DNM2: variants seen among roughly 807,000 people sequenced by gnomAD.
The protein encoded by DNM2 is dynamin-2.
Under a neutral mutation model 99.0 loss-of-function variants are expected in DNM2, and 15 were observed. That is an observed-to-expected ratio of 0.15 (90% CI 0.10 to 0.23). The LOEUF (loss-of-function observed/expected upper bound fraction) is 0.23, where lower values mean the gene tolerates loss of function less well. Ranked by LOEUF, DNM2 falls within the 10% of genes least tolerant of loss-of-function variation. The pLI is 1.00. For missense variants in DNM2, 742 were observed against 1,189.4 expected (o/e 0.62, Z 5.53); for synonymous variants, 525 against 481.2 (o/e 1.09, Z -1.19).
At chr19:10,823,715 C>T (rs2073055619) in intron 16 of DNM2, 73 bp from the exon 17 acceptor site, 2 of 1,459,200 alleles carry the variant, frequency 1.4e-6, no homozygotes, top group Admixed American at 1.7e-5. Context: ...CCCCTAGAGC[C>T]CATTCCTCTC....
chr19:10,795,334 G>C lies in DNM2; in HGVS notation c.1129-38G>C. On this transcript the variant is annotated intron_variant, in intron 8 of 20. Coordinates refer to ENST00000389253, the MANE Select transcript of DNM2 (RefSeq NM_001005361.3). This position sits in a 1 kb window ranked among gnomAD's most constrained non-coding sequence, Gnocchi z 4.2. The stretch of plus-strand genomic sequence containing the variant: ...GCACGCCTGCCACGGGGGCGCCCCG[G>C]GTGCCTCCATGCATGTGCTTGGTTT... 1 of 1,612,982 alleles carries C rather than the reference G, an allele frequency of 6.2e-7. No homozygotes were observed. Among genetic ancestry groups the C allele is most frequent in the Non-Finnish European group, 8.5e-7 (1 of 1,179,122 alleles).
Position 10,831,374 on chromosome 19 carries a change from T to C in DNM2, c.*327T>C, listed in dbSNP as rs534332355. The C allele has an allele frequency of 7.2e-6, 8 of 1,103,828 alleles. No individual in the cohort carries two copies. The highest frequency in any genetic ancestry group is 8.8e-6 in the Non-Finnish European group (8 of 905,858). 68.4% of individuals were successfully genotyped at this position (1,103,828 alleles called of 1,614,324 possible). On this transcript the variant is annotated 3_prime_UTR_variant, in exon 21 of 21. Transcript: ENST00000389253. The surrounding 1 kb of genome is among the most constrained non-coding windows in gnomAD (Gnocchi z 4.3). ...GCCTGGGGGGGACTCTACCAAGGTCTTCTTGGGCTGGGAAAGCCCATGTAG... is the reference window on the plus strand; with the variant it reads ...GCCTGGGGGGGACTCTACCAAGGTCCTCTTGGGCTGGGAAAGCCCATGTAG...
At chr19:10,782,858 G>A (rs997072797) in intron 5 of DNM2, 102 bp from the exon 6 acceptor site, 12 of 1,528,696 alleles carry the variant, frequency 7.8e-6, no homozygotes, top group South Asian at 6.8e-5. Flanking sequence ...TGAGTGCCTC[G>A]TGGGACAGGA....
At chr19:10,777,948 C>T (rs11666518) in intron 5 of DNM2, among the ~76,000 whole-genome samples, 5,744 of 151,896 alleles carry the variant, frequency 0.038, 110 homozygotes, top group South Asian at 0.067. Flanking sequence ...TTCAAAGAAT[C>T]CTCGTGGATG....
chr19:10,745,431 C>A (rs1225744668), intron 1 of DNM2, among the ~76,000 whole-genome samples: 1 of 152,172 alleles, frequency 6.6e-6, no homozygotes, highest in Non-Finnish European at 1.5e-5. Context: ...CTAGTTGGGA[C>A]TGTTAGATAA....
intron 17 of DNM2, 140 bp downstream of exon 17, chr19:10,824,039 A>T: frequency 1.3e-6 from 1 of 768,328 alleles, no homozygotes; most frequent in Non-Finnish European, 2.2e-6. Context: ...CCACTTGAGC[A>T]AGCAAAGGAG....
At chr19:10,788,423 G>A (rs558668427) in intron 7 of DNM2, among the ~76,000 whole-genome samples, 1 of 152,264 alleles carries the variant, frequency 6.6e-6, no homozygotes, top group South Asian at 2.1e-4. Flanking sequence ...TGATAGAGCA[G>A]GTTGTGCAGG....
chr19:10,740,238 C>T (rs761193812), intron 1 of DNM2, among the ~76,000 whole-genome samples: 111 of 152,054 alleles, frequency 7.3e-4, no homozygotes, highest in Non-Finnish European at 1.4e-3. Flanking sequence ...GTTAACTTCT[C>T]TCTCCATTTT....
intron 15 of DNM2, among the ~76,000 whole-genome samples, chr19:10,819,081 G>A (rs1481990620): frequency 2.0e-5 from 3 of 152,132 alleles, no homozygotes; most frequent in African/African-American, 7.2e-5. Context: ...CTAGCAGTCT[G>A]GACAGCCGTG....
At chr19:10,729,189 A>AATAT (rs58702027) in intron 1 of DNM2, among the ~76,000 whole-genome samples, 2 of 145,868 alleles carry the variant, frequency 1.4e-5, no homozygotes, top group African/African-American at 5.2e-5. Context: ...AAAAAAAAAA[A>AATAT]ATATAAAAAA....
intron 2 of DNM2, among the ~76,000 whole-genome samples, chr19:10,767,099 G>A (rs1174967145): frequency 6.6e-6 from 1 of 152,134 alleles, no homozygotes; most frequent in East Asian, 1.9e-4. Flanking sequence ...ACCGGGACAG[G>A]CAGAGCCAGG....
intron 18 of DNM2, among the ~76,000 whole-genome samples, chr19:10,828,796 G>A (rs1190917032): frequency 2.0e-5 from 3 of 151,494 alleles, no homozygotes; most frequent in South Asian, 2.1e-4. Flanking sequence ...TGGTGTCAAC[G>A]TGCCTGTCGT....
chr19:10,733,469 A>G (rs2069410999), intron 1 of DNM2, among the ~76,000 whole-genome samples: 1 of 151,914 alleles, frequency 6.6e-6, no homozygotes, highest in East Asian at 1.9e-4. Context: ...CTGGGATTGT[A>G]AGCATGAGCC....
intron 10 of DNM2, among the ~76,000 whole-genome samples, chr19:10,797,920 C>A (rs2071995645): frequency 6.6e-6 from 1 of 152,080 alleles, no homozygotes; most frequent in Non-Finnish European, 1.5e-5. Context: ...TGGACTTGAC[C>A]CACACTGCAG....
chr19:10,731,682 CAG>C (rs765062923), intron 1 of DNM2, among the ~76,000 whole-genome samples: 222 of 152,264 alleles, frequency 1.5e-3, no homozygotes, highest in Non-Finnish European at 2.0e-3. Flanking sequence ...ACATCAACAT[CAG>C]GGGACAGTGA....
chr19:10,729,042 G>A (rs959463918), intron 1 of DNM2, among the ~76,000 whole-genome samples: 8 of 151,058 alleles, frequency 5.3e-5, no homozygotes, highest in African/African-American at 1.5e-4. Context: ...CCAACATGGC[G>A]AAACCCCATC....
chr19:10,794,491 A>G (rs2071866106), intron 8 of DNM2, among the ~76,000 whole-genome samples: 1 of 152,160 alleles, frequency 6.6e-6, no homozygotes, highest in African/African-American at 2.4e-5. Context: ...GCTCACGCCT[A>G]TAATCCGTGG....
At chr19:10,759,471 TG>T (rs1430838781) in intron 1 of DNM2, among the ~76,000 whole-genome samples, 1 of 152,046 alleles carries the variant, frequency 6.6e-6, no homozygotes, top group African/African-American at 2.4e-5. Context: ...TGCCAGGGAA[TG>T]GGCCCCCTGG....
intron 1 of DNM2, among the ~76,000 whole-genome samples, chr19:10,744,553 G>GT (rs1374390520): frequency 1.3e-5 from 2 of 152,170 alleles, no homozygotes; most frequent in Non-Finnish European, 2.9e-5. Context: ...GAGGCTGGCT[G>GT]TGGAATGCAG....
Sources: allele counts gnomAD v4.1 joint callset (sites outside exome capture counted in the v4.1 genomes callset), GRCh38; gene constraint gnomAD v4.1.1; non-coding constraint Gnocchi (gnomAD v3.1); transcripts MANE v1.5; gene names NCBI Gene and HGNC (gene_info 2026-07-23, HGNC 2026-07-21).